The following ARID1B variants were observed in gnomAD, a reference collection of about 807,000 sequenced individuals.
ARID1B encodes AT-rich interaction domain 1B.
Under a neutral mutation model 212.3 loss-of-function variants are expected in ARID1B, and 30 were observed. That is an observed-to-expected ratio of 0.14 (90% CI 0.11 to 0.19). The LOEUF is 0.19. ARID1B is among the 10% of genes least tolerant of loss of function. The pLI is 1.00. For missense variants in ARID1B, 2,891 were observed against 3,204.0 expected (o/e 0.90, Z 2.36); for synonymous variants, 1,402 against 1,301.7 (o/e 1.08, Z -1.66).
chr6:156,814,990 A>G (rs910549991), intron 1 of ARID1B, among the ~76,000 whole-genome samples: 2 of 152,194 alleles, frequency 1.3e-5, no homozygotes, highest in Non-Finnish European at 2.9e-5. Flanking sequence ...AAGAAATTCA[A>G]TATAAAAGTG....
chr6:156,973,254 G>A (rs189633844), intron 4 of ARID1B, among the ~76,000 whole-genome samples: 144 of 152,288 alleles, frequency 9.5e-4, no homozygotes, highest in African/African-American at 3.3e-3. Flanking sequence ...GCTCATATTG[G>A]ACAGCACAGA....
chr6:156,812,941 T>G (rs954820862), intron 1 of ARID1B, among the ~76,000 whole-genome samples: 9 of 87,324 alleles, frequency 1.0e-4, no homozygotes, highest in African/African-American at 4.0e-4. Flanking sequence ...TGGGTGTGTG[T>G]GTGTGTGTGT....
chr6:157,108,172 T>C (rs17088116), intron 5 of ARID1B, among the ~76,000 whole-genome samples: 2,688 of 152,338 alleles, frequency 0.018, 81 homozygotes, highest in African/African-American at 0.062. Context: ...TCTTGTATCT[T>C]TAACAGAATG....
chr6:157,174,739 T>TAA (rs942327196), intron 10 of ARID1B, 108 bp from the exon 11 acceptor site: 8 of 293,456 alleles, frequency 2.7e-5, no homozygotes, highest in African/African-American at 1.4e-4. Flanking sequence ...TATATATATA[T>TAA]AATATATATA....
At chr6:156,882,546 G>A (rs1228420494) in intron 2 of ARID1B, among the ~76,000 whole-genome samples, 1 of 152,126 alleles carries the variant, frequency 6.6e-6, no homozygotes, top group Non-Finnish European at 1.5e-5. Context: ...CCAACTATAA[G>A]GGTGCCTTGC....
chr6:157,037,099 CAA>C (rs1043028817), intron 4 of ARID1B, among the ~76,000 whole-genome samples: 15 of 152,108 alleles, frequency 9.9e-5, no homozygotes, highest in African/African-American at 3.4e-4. Context: ...TACAGGAAAA[CAA>C]GAGTTTCGTT....
chr6:156,898,762 G>A (rs371932856), intron 2 of ARID1B, among the ~76,000 whole-genome samples: 24 of 152,156 alleles, frequency 1.6e-4, no homozygotes, highest in African/African-American at 5.3e-4. Flanking sequence ...ACCTGAGGTC[G>A]GGAGTTTGAG....
chr6:157,108,710 A>C (rs1324286975), intron 5 of ARID1B, among the ~76,000 whole-genome samples: 2 of 152,202 alleles, frequency 1.3e-5, no homozygotes, highest in Non-Finnish European at 2.9e-5. Context: ...CTTTACATTT[A>C]ATTATTTGGT....
At chr6:157,121,337 C>T (rs866742424) in intron 6 of ARID1B, among the ~76,000 whole-genome samples, 2 of 152,022 alleles carry the variant, frequency 1.3e-5, no homozygotes, top group Non-Finnish European at 2.9e-5. Context: ...TGTCGTCTAC[C>T]CCCAAATATG....
At chr6:156,903,307 A>G (rs572008842) in intron 3 of ARID1B, among the ~76,000 whole-genome samples, 106 of 152,328 alleles carry the variant, frequency 7.0e-4, no homozygotes, top group African/African-American at 2.2e-3. Flanking sequence ...ATTGATTTGA[A>G]TACAATAAAT....
intron 6 of ARID1B, among the ~76,000 whole-genome samples, chr6:157,119,335 C>T (rs920614281): frequency 6.6e-6 from 1 of 152,182 alleles, no homozygotes; most frequent in Non-Finnish European, 1.5e-5. Context: ...CCACCTATGC[C>T]TTTAGTCACT....
At chr6:156,892,490 G>A (rs916860149) in intron 2 of ARID1B, among the ~76,000 whole-genome samples, 7 of 152,106 alleles carry the variant, frequency 4.6e-5, no homozygotes, top group African/African-American at 7.2e-5. Flanking sequence ...AAATGGAGAC[G>A]AACAGTTTAG....
At chr6:156,916,303 G>A (rs1374928868) in intron 3 of ARID1B, among the ~76,000 whole-genome samples, 1 of 152,064 alleles carries the variant, frequency 6.6e-6, no homozygotes, top group Non-Finnish European at 1.5e-5. Context: ...TTTTTAGGGG[G>A]CAGAATTAGA....
At chr6:157,122,229 T>C (rs985346947) in intron 6 of ARID1B, among the ~76,000 whole-genome samples, 4 of 152,126 alleles carry the variant, frequency 2.6e-5, no homozygotes, top group Admixed American at 6.5e-5. Flanking sequence ...ATAATAGAGA[T>C]TGAAGTAGCG....
intron 4 of ARID1B, among the ~76,000 whole-genome samples, chr6:156,949,278 G>GAT (rs78506385): frequency 0.19 from 28,967 of 151,958 alleles, 3,148 homozygotes; most frequent in Non-Finnish European, 0.24. Context: ...AGGGGTATCA[G>GAT]ATATATATAT....
chr6:156,868,272 T>C (rs1785857483), intron 2 of ARID1B, among the ~76,000 whole-genome samples: 1 of 152,254 alleles, frequency 6.6e-6, no homozygotes, highest in South Asian at 2.1e-4. Flanking sequence ...TTTCCTTGGT[T>C]GTCATCACTG....
chr6:157,084,262 T>G (rs188242636), intron 4 of ARID1B, among the ~76,000 whole-genome samples: 99 of 151,964 alleles, frequency 6.5e-4, no homozygotes, highest in African/African-American at 2.2e-3. Flanking sequence ...AAAAAAGGAC[T>G]CAAAGCCTGT....
At chr6:156,989,870 C>A (rs1478706676) in intron 4 of ARID1B, among the ~76,000 whole-genome samples, 3 of 152,032 alleles carry the variant, frequency 2.0e-5, no homozygotes, top group Non-Finnish European at 4.4e-5. Flanking sequence ...TGTATTGCTG[C>A]CATGTGGGAG....
intron 3 of ARID1B, chr6:156,902,055 C>T (rs565275627): frequency 1.3e-5 from 2 of 155,478 alleles, no homozygotes; most frequent in Admixed American, 6.2e-5. Context: ...TAATTGGAAT[C>T]ATGTACTTTA....
Sources: gnomAD v4.1 joint callset for allele counts (sites outside exome capture counted in the v4.1 genomes callset) on GRCh38, gnomAD v4.1.1 for gene constraint, MANE v1.5 for transcripts, NCBI Gene and HGNC (gene_info 2026-07-23, HGNC 2026-07-21) for gene names.